Variants in INVS observed in about 807,000 individuals in gnomAD.
INVS encodes inversin.
Under a neutral mutation model 108.8 loss-of-function variants are expected in INVS, and 86 were observed. The observed-to-expected ratio is 0.79, with a 90% CI of 0.66 to 0.95. The LOEUF (loss-of-function observed/expected upper bound fraction) is 0.95, where lower values mean the gene tolerates loss of function less well. INVS is among the 40% of genes least tolerant of loss of function. The pLI is 0.00. For missense variants in INVS, 1,169 were observed against 1,297.4 expected, an observed-to-expected ratio of 0.90 and a Z score of 1.52; for synonymous variants, 455 against 473.5, an observed-to-expected ratio of 0.96 and a Z score of 0.51.
Position 100,185,535 on chromosome 9 carries a change from A to G in INVS, c.274-40527A>G, listed in dbSNP as rs1220527212. Reference sequence around the variant, plus strand: ...CATAGAAATATATATATATATATATATATATATATATATATATATATATTC... The same window carrying G: ...CATAGAAATATATATATATATATATGTATATATATATATATATATATATTC... On this transcript the variant is annotated intron_variant, in intron 3 of 16. Transcript: ENST00000262457. 1.5e-4 allele frequency among the ~76,000 whole-genome samples: 15 copies of G among 101,080 alleles called. No individual in the cohort carries two copies. In the East Asian group the frequency reaches 4.1e-3, roughly 28 times the overall value. 66.3% of individuals were successfully genotyped at this position (101,080 alleles called of 152,430 possible).
intron 2 of INVS, among the ~76,000 whole-genome samples, chr9:100,113,848 T>C (rs1027241454): frequency 7.2e-5 from 11 of 152,212 alleles, no homozygotes; most frequent in Non-Finnish European, 5.9e-5. Context: ...ACTGTACCCA[T>C]TGACATTTCT....
chr9:100,146,479 T>C (rs1011009634), intron 3 of INVS, among the ~76,000 whole-genome samples: 2 of 152,196 alleles, frequency 1.3e-5, no homozygotes, highest in Non-Finnish European at 2.9e-5. Context: ...TACGTGCAGG[T>C]CACAGGAGAT....
chr9:100,151,735 A>T (rs1828813305), intron 3 of INVS, among the ~76,000 whole-genome samples: 1 of 152,086 alleles, frequency 6.6e-6, no homozygotes, highest in Non-Finnish European at 1.5e-5. Context: ...CTATTCCTTC[A>T]CCCATTCCTC....
intron 3 of INVS, among the ~76,000 whole-genome samples, chr9:100,189,546 G>T (rs897192441): frequency 6.6e-6 from 1 of 151,578 alleles, no homozygotes; most frequent in African/African-American, 2.4e-5. Flanking sequence ...AATTCTGAGA[G>T]GTCCTTTTGG....
chr9:100,262,661 A>C (rs1056593377), intron 10 of INVS, among the ~76,000 whole-genome samples: 2 of 125,318 alleles, frequency 1.6e-5, no homozygotes, highest in Non-Finnish European at 3.4e-5. Context: ...AAAAAAAAAA[A>C]CTTGATATTC....
intron 10 of INVS, among the ~76,000 whole-genome samples, chr9:100,264,205 G>A (rs1832715411): frequency 6.6e-6 from 1 of 152,106 alleles, no homozygotes; most frequent in African/African-American, 2.4e-5. Flanking sequence ...CTCAATTTGT[G>A]TTAGTCTTAT....
intron 3 of INVS, among the ~76,000 whole-genome samples, chr9:100,133,175 T>A (rs1282464031): frequency 1.3e-5 from 2 of 152,236 alleles, no homozygotes; most frequent in African/African-American, 4.8e-5. Context: ...CTCGAAGAGA[T>A]CAAACTCAGT....
intron 3 of INVS, among the ~76,000 whole-genome samples, chr9:100,152,554 A>G (rs971034427): frequency 2.0e-5 from 3 of 152,192 alleles, no homozygotes; most frequent in Admixed American, 6.5e-5. Context: ...TGTATAATCT[A>G]TCAGAATCCA....
intron 15 of INVS, among the ~76,000 whole-genome samples, 192 bp downstream of exon 15, chr9:100,297,338 A>G (rs1421351828): frequency 6.6e-6 from 1 of 152,126 alleles, no homozygotes. Flanking sequence ...CTCAAGCACC[A>G]TTTCATTCCT....
At chr9:100,167,967 T>A in intron 3 of INVS, among the ~76,000 whole-genome samples, 1 of 152,076 alleles carries the variant, frequency 6.6e-6, no homozygotes, top group Non-Finnish European at 1.5e-5. Context: ...CAATCCTTCC[T>A]CCCCACCCCA....
intron 3 of INVS, among the ~76,000 whole-genome samples, chr9:100,220,978 A>AAG (rs961550420): frequency 2.0e-5 from 3 of 151,970 alleles, no homozygotes; most frequent in Non-Finnish European, 2.9e-5. Flanking sequence ...CTGTCCCAAA[A>AAG]AAAAAAAAAA....
At chr9:100,158,060 T>A (rs1043785325) in intron 3 of INVS, among the ~76,000 whole-genome samples, 1 of 152,220 alleles carries the variant, frequency 6.6e-6, no homozygotes, top group Non-Finnish European at 1.5e-5. Context: ...CATATCCAAT[T>A]TTTCATTCCA....
intron 10 of INVS, 74 bp from the exon 11 acceptor site, chr9:100,264,748 T>C: frequency 9.9e-7 from 1 of 1,009,878 alleles, no homozygotes; most frequent in Non-Finnish European, 1.6e-6. Context: ...TATATTAATT[T>C]TGAATTAGCA....
Position 100,259,640 on chromosome 9 carries a change from C to T in INVS, c.1465-5182C>T, listed in dbSNP as rs370294446. Among the ~76,000 whole-genome samples, 37 of 149,250 alleles carry T rather than the reference C, an allele frequency of 2.5e-4. No individual in the cohort carries two copies. In the East Asian group the frequency reaches 4.2e-3, roughly 17 times the overall value. On this transcript the variant is annotated intron_variant, in intron 10 of 16. Coordinates refer to ENST00000262457, the MANE Select transcript of INVS (RefSeq NM_014425.5). ...GCAACCTCCACCTCCCGGGTTCAAG[C>T]GATTCTCTTGCCTCAGCCTCCTGAG... is the stretch of plus-strand genomic sequence containing the variant.
chr9:100,109,064 A>G (rs1047778224), intron 2 of INVS, among the ~76,000 whole-genome samples: 1 of 152,262 alleles, frequency 6.6e-6, no homozygotes, highest in African/African-American at 2.4e-5. Flanking sequence ...TTGAATGAAT[A>G]CTAGAAATGT....
intron 3 of INVS, 130 bp downstream of exon 3, chr9:100,126,679 C>T (rs1258351550): frequency 6.7e-6 from 6 of 902,240 alleles, no homozygotes; most frequent in Non-Finnish European, 1.1e-5. Flanking sequence ...TATATTTTCT[C>T]TAAAAGCTGT....
intron 3 of INVS, among the ~76,000 whole-genome samples, chr9:100,147,570 C>T (rs1450226514): frequency 6.6e-6 from 1 of 152,020 alleles, no homozygotes; most frequent in Non-Finnish European, 1.5e-5. Flanking sequence ...ATGCATATAC[C>T]CTTTGACCAG....
chr9:100,156,058 T>C (rs1182496061), intron 3 of INVS, among the ~76,000 whole-genome samples: 1 of 152,068 alleles, frequency 6.6e-6, no homozygotes, highest in Non-Finnish European at 1.5e-5. Flanking sequence ...GCTTAGAAAT[T>C]GGGACAAGTA....
chr9:100,263,952 T>A (rs1832706902), intron 10 of INVS, among the ~76,000 whole-genome samples: 1 of 152,240 alleles, frequency 6.6e-6, no homozygotes, highest in African/African-American at 2.4e-5. Context: ...AAAGATAAGT[T>A]AAAATCCCAC....
Sources: gnomAD v4.1 joint callset for allele counts (sites outside exome capture counted in the v4.1 genomes callset) on GRCh38, gnomAD v4.1.1 for gene constraint, MANE v1.5 for transcripts, NCBI Gene and HGNC (gene_info 2026-07-23, HGNC 2026-07-21) for gene names.